NCOA1: variants seen among roughly 807,000 people sequenced by gnomAD.
The protein encoded by NCOA1 is nuclear receptor coactivator 1, also known as Hin-2 protein.
Under a neutral mutation model 150.9 loss-of-function variants are expected in NCOA1, and 35 were observed. The ratio of observed to expected loss-of-function variants is 0.23; its 90% CI spans 0.18 to 0.31. The LOEUF is 0.31. NCOA1 is among the 10% of genes least tolerant of loss of function. The probability of loss-of-function intolerance (pLI) is 1.00; values close to 1 mark genes in which losing one functional copy is unlikely to be tolerated. For synonymous variants in NCOA1, 590 were observed against 630.0 expected, an observed-to-expected ratio of 0.94 and a Z score of 0.95; for missense variants, 1,491 against 1,749.3, an observed-to-expected ratio of 0.85 and a Z score of 2.63.
At chr2:24,624,112 G>A (rs13026288) in intron 3 of NCOA1, among the ~76,000 whole-genome samples, 6,023 of 152,110 alleles carry the variant, frequency 0.04, 161 homozygotes, top group Non-Finnish European at 0.062. Context: ...CTCATAAACC[G>A]AGGCTATAGT....
At chr2:24,642,007 C>T (rs200178690) in intron 3 of NCOA1, among the ~76,000 whole-genome samples, 106 of 145,032 alleles carry the variant, frequency 7.3e-4, no homozygotes, top group African/African-American at 2.7e-3. Context: ...TTACAGAGGG[C>T]GTGTGTGTGT....
chr2:24,728,994 C>T (rs899583241), intron 16 of NCOA1, among the ~76,000 whole-genome samples: 6 of 152,238 alleles, frequency 3.9e-5, no homozygotes, highest in Non-Finnish European at 7.3e-5. Flanking sequence ...CACAAGCACA[C>T]GCGCACGCGC....
chr2:24,710,896 A>C, intron 13 of NCOA1, 35 bp from the exon 14 acceptor site: 1 of 1,600,888 alleles, frequency 6.2e-7, no homozygotes, highest in Non-Finnish European at 8.5e-7. Flanking sequence ...GAAAGTGTAA[A>C]ATATATTTCC....
intron 3 of NCOA1, among the ~76,000 whole-genome samples, chr2:24,630,144 C>T (rs1025928238): frequency 1.3e-5 from 2 of 152,184 alleles, no homozygotes; most frequent in East Asian, 3.9e-4. Context: ...CGCGCCCGGC[C>T]GTAACTTATT....
intron 6 of NCOA1, among the ~76,000 whole-genome samples, chr2:24,669,424 A>G (rs964014183): frequency 1.3e-5 from 2 of 152,152 alleles, no homozygotes; most frequent in Non-Finnish European, 2.9e-5. Context: ...AGACCCAGAA[A>G]TTGCATGTCA....
chr2:24,717,747 T>C (rs1674120602), intron 14 of NCOA1, among the ~76,000 whole-genome samples: 1 of 152,202 alleles, frequency 6.6e-6, no homozygotes, highest in Non-Finnish European at 1.5e-5. Context: ...TTAATACTAA[T>C]GTGTCAATAT....
chr2:24,526,591 C>T (rs1181141736), intron 1 of NCOA1, among the ~76,000 whole-genome samples: 1 of 152,014 alleles, frequency 6.6e-6, no homozygotes, highest in African/African-American at 2.4e-5. Context: ...AGACTTCATA[C>T]TGTTCTTCAT....
At chr2:24,709,225 T>C (rs1673612826) in intron 13 of NCOA1, among the ~76,000 whole-genome samples, 1 of 152,232 alleles carries the variant, frequency 6.6e-6, no homozygotes, top group African/African-American at 2.4e-5. Flanking sequence ...TTTGTGCACA[T>C]GTGTATGTAT....
chr2:24,664,749 T>C (rs1257804764), intron 5 of NCOA1, among the ~76,000 whole-genome samples: 2 of 152,184 alleles, frequency 1.3e-5, no homozygotes, highest in African/African-American at 4.8e-5. Flanking sequence ...GGTATCTTAA[T>C]TGTTGCCAAT....
intron 14 of NCOA1, chr2:24,711,614 T>G (rs1326195746): frequency 6.6e-6 from 1 of 152,286 alleles, no homozygotes; most frequent in African/African-American, 2.4e-5. Context: ...TCCCAAACTT[T>G]CCTGATTATG....
At chr2:24,577,845 C>T (rs992124720) in intron 2 of NCOA1, among the ~76,000 whole-genome samples, 4 of 152,142 alleles carry the variant, frequency 2.6e-5, no homozygotes, top group African/African-American at 9.7e-5. Context: ...ATTACAATAG[C>T]TTTTTATTTC....
intron 13 of NCOA1, among the ~76,000 whole-genome samples, chr2:24,709,825 A>G (rs1234682510): frequency 6.6e-6 from 1 of 152,234 alleles, no homozygotes; most frequent in East Asian, 1.9e-4. Flanking sequence ...ACATATTCAT[A>G]CAGTGGGACA....
At chr2:24,567,104 A>G (rs1266612358) in intron 2 of NCOA1, among the ~76,000 whole-genome samples, 3 of 152,242 alleles carry the variant, frequency 2.0e-5, no homozygotes, top group Non-Finnish European at 4.4e-5. Context: ...AGACTGCCTC[A>G]GCTACAATAA....
chr2:24,507,882 C>T (rs1294703689), intron 1 of NCOA1, among the ~76,000 whole-genome samples: 2 of 152,112 alleles, frequency 1.3e-5, no homozygotes, highest in East Asian at 3.8e-4. Context: ...TTTCTCTATG[C>T]CCAATTTCTT....
intron 3 of NCOA1, among the ~76,000 whole-genome samples, chr2:24,591,571 G>GC (rs1667658971): frequency 6.6e-6 from 1 of 152,080 alleles, no homozygotes; most frequent in South Asian, 2.1e-4. Flanking sequence ...GAGTTCTTTA[G>GC]TTTTTGGTGG....
chr2:24,537,371 A>T (rs1269797518), intron 1 of NCOA1, among the ~76,000 whole-genome samples: 1 of 152,116 alleles, frequency 6.6e-6, no homozygotes, highest in African/African-American at 2.4e-5. Flanking sequence ...AGTAAGTCAG[A>T]CATGGAAAAA....
At chr2:24,669,626 A>G (rs1671595512) in intron 6 of NCOA1, among the ~76,000 whole-genome samples, 1 of 152,246 alleles carries the variant, frequency 6.6e-6, no homozygotes, top group African/African-American at 2.4e-5. Context: ...ACATGAAATA[A>G]TGAAGGAAAT....
At chr2:24,767,790 C>A in intron 22 of NCOA1, 1 of 335,180 alleles carries the variant, frequency 3.0e-6, no homozygotes, top group Non-Finnish European at 5.4e-6. Flanking sequence ...GTTGAAAGCC[C>A]TTTAATTTTT....
At chr2:24,722,439 T>G (rs1169712888) in intron 14 of NCOA1, among the ~76,000 whole-genome samples, 1 of 152,228 alleles carries the variant, frequency 6.6e-6, no homozygotes, top group East Asian at 1.9e-4. Context: ...GATTTCACTT[T>G]TGAAAATTTC....
Sources: gnomAD v4.1 joint callset for allele counts (sites outside exome capture counted in the v4.1 genomes callset) on GRCh38, gnomAD v4.1.1 for gene constraint, MANE v1.5 for transcripts, NCBI Gene and HGNC (gene_info 2026-07-23, HGNC 2026-07-21) for gene names.